The following RUFY4 variants were observed in gnomAD, a reference collection of about 807,000 sequenced individuals.
RUFY4 encodes RUN and FYVE domain containing 4, also known as RUN and FYVE domain-containing protein 4.
In RUFY4, 73 loss-of-function variants were observed where a neutral mutation model predicts 69.0. That is an observed-to-expected ratio of 1.06 (90% CI 0.88 to 1.29). The LOEUF (loss-of-function observed/expected upper bound fraction) is 1.29. Ranked by LOEUF, RUFY4 falls within the 50% of genes most tolerant of loss-of-function variation. The probability of loss-of-function intolerance (pLI) is 0.00; values close to 1 mark genes in which losing one functional copy is unlikely to be tolerated. For missense variants in RUFY4, 770 were observed against 705.6 expected, an observed-to-expected ratio of 1.09 and a Z score of -1.03; for synonymous variants, 287 against 271.8, an observed-to-expected ratio of 1.06 and a Z score of -0.55.
rs757731568 is a variant in RUFY4, at chr2:218,073,286, C to T, written c.430C>T (p.Gln144Ter). 6.4e-7 allele frequency: 1 copy of T among 1,554,850 alleles called. No individual in the cohort carries two copies. ...GAGCCCTCTGCTCTGCCCAGAACGC[C>T]AAGAAGACATCCTGGACTCTCTCTA... The change falls in exon 5 of 11, where the codon CAA (glutamine) becomes TAA (stop). Residue 144 changes from glutamine to a stop codon, truncating the protein, a stop_gained. Coordinates refer to ENST00000344321, the Ensembl canonical transcript of RUFY4. LOFTEE classifies it high-confidence loss of function.
At chr2:218,075,699 A>C in exon 7 of RUFY4, 1 of 1,462,098 alleles carries the variant, frequency 6.8e-7, no homozygotes, top group African/African-American at 1.4e-5. Flanking sequence ...TGTGGCCAGA[A>C]GGGAGGAGCA....
At chr2:218,089,890 G>T in intron 10 of RUFY4, 62 bp from the exon 13 acceptor site, 2 of 1,113,662 alleles carry the variant, frequency 1.8e-6, no homozygotes, top group Non-Finnish European at 2.7e-6. Context: ...TGACCTCAGC[G>T]CCCACTTGGG....
chr2:218,083,023 G>C lies in RUFY4; in HGVS notation c.1356-87G>C. 2.7e-6 allele frequency: 4 copies of C among 1,457,472 alleles called. No individual in the cohort carries two copies. In the South Asian group the frequency reaches 4.9e-5, roughly 18 times the overall value. 90.3% of individuals were successfully genotyped at this position (1,457,472 alleles called of 1,614,324 possible). On this transcript the variant is annotated intron_variant, in intron 8 of 10. Coordinates refer to ENST00000344321, the Ensembl canonical transcript of RUFY4. ...GGGGCATCACCAGCGTCTCCCATGG[G>C]CTCCCTCTCTGGAAGAGGCTCAGCC...
intron 8 of RUFY4, among the ~76,000 whole-genome samples, chr2:218,082,119 T>C (rs1442823293): frequency 6.6e-6 from 1 of 152,148 alleles, no homozygotes; most frequent in African/African-American, 2.4e-5. Context: ...AGTCCAGTGG[T>C]CTTCTTGGAA....
chr2:218,085,313 C>A (rs6738953), intron 9 of RUFY4, among the ~76,000 whole-genome samples: 66,562 of 151,856 alleles, frequency 0.44, 14,926 homozygotes, highest in Middle Eastern at 0.61. Context: ...AATACAATGT[C>A]CCTGGCAGAA....
intron 2 of RUFY4, among the ~76,000 whole-genome samples, chr2:218,047,405 T>C (rs1309759644): frequency 6.6e-6 from 1 of 152,152 alleles, no homozygotes; most frequent in Admixed American, 6.5e-5. Flanking sequence ...TCTATTCATT[T>C]TTTTTTGTCT....
chr2:218,071,807 A>C (rs1689494134), intron 2 of RUFY4, among the ~76,000 whole-genome samples: 1 of 152,112 alleles, frequency 6.6e-6, no homozygotes, highest in Non-Finnish European at 1.5e-5. Flanking sequence ...GGAGAAGAGG[A>C]TGAGATCCCC....
intron 9 of RUFY4, among the ~76,000 whole-genome samples, chr2:218,086,842 G>A (rs1689904993): frequency 6.6e-6 from 1 of 152,156 alleles, no homozygotes; most frequent in Middle Eastern, 3.2e-3. Flanking sequence ...AAGGACCAAG[G>A]ACCCAGGAGG....
chr2:218,090,053 G>T, exon 11 of RUFY4: 1 of 1,525,400 alleles, frequency 6.6e-7, no homozygotes, highest in Non-Finnish European at 8.8e-7. Context: ...CAGGTCACCT[G>T]ACCAAGACCA....
chr2:218,056,418 T>TC (rs1553632146), intron 2 of RUFY4, among the ~76,000 whole-genome samples: 2 of 152,084 alleles, frequency 1.3e-5, no homozygotes, highest in Non-Finnish European at 2.9e-5. Context: ...AGAGCTTTTT[T>TC]CCCCCACTTC....
chr2:218,065,355 G>A (rs575786833), upstream of RUFY4, among the ~76,000 whole-genome samples: 2 of 152,386 alleles, frequency 1.3e-5, no homozygotes, highest in African/African-American at 4.8e-5. Context: ...GGGCGAGGAA[G>A]GAGGAAGGGC....
At chr2:218,075,737 C>A in exon 7 of RUFY4, 1 of 1,437,046 alleles carries the variant, frequency 7.0e-7, no homozygotes. Context: ...AGGACGAGAT[C>A]AAGGTGAGAA....
upstream of RUFY4, among the ~76,000 whole-genome samples, chr2:218,067,811 C>T (rs926248705): frequency 6.6e-6 from 1 of 152,238 alleles, no homozygotes; most frequent in Non-Finnish European, 1.5e-5. Context: ...GCCCCACTGA[C>T]TGTCCCTGCT....
intron 2 of RUFY4, among the ~76,000 whole-genome samples, chr2:218,048,016 C>G (rs931491374): frequency 1.3e-5 from 2 of 152,104 alleles, no homozygotes; most frequent in Non-Finnish European, 2.9e-5. Flanking sequence ...TTTCTGCTTT[C>G]AGGTCTTCAA....
chr2:218,085,690 C>T (rs758988418), intron 9 of RUFY4, among the ~76,000 whole-genome samples: 2 of 152,158 alleles, frequency 1.3e-5, no homozygotes, highest in Non-Finnish European at 2.9e-5. Context: ...TGCCTGCCTC[C>T]CCACATGCAG....
chr2:218,061,125 G>T (rs1420918159), intron 3 of RUFY4: 2 of 507,802 alleles, frequency 3.9e-6, no homozygotes, highest in Non-Finnish European at 7.9e-6. Flanking sequence ...GGCAATGTCA[G>T]GGAAAAGAAC....
intron 3 of RUFY4, among the ~76,000 whole-genome samples, chr2:218,061,731 T>G (rs1689198180): frequency 6.6e-6 from 1 of 152,220 alleles, no homozygotes. Flanking sequence ...CTGTGGATAA[T>G]AACTACAGGA....
chr2:218,079,227 G>A (rs921458388), intron 8 of RUFY4, among the ~76,000 whole-genome samples: 1 of 152,206 alleles, frequency 6.6e-6, no homozygotes, highest in South Asian at 2.1e-4. Context: ...CTGAACACAG[G>A]GAGTCCAGCG....
intron 9 of RUFY4, among the ~76,000 whole-genome samples, chr2:218,088,154 T>G (rs987504626): frequency 1.3e-5 from 2 of 152,158 alleles, no homozygotes; most frequent in Admixed American, 6.5e-5. Context: ...GCATGTATTA[T>G]TTTGATAAAA....
Sources: gnomAD v4.1 joint callset for allele counts (sites outside exome capture counted in the v4.1 genomes callset) on GRCh38, gnomAD v4.1.1 for gene constraint, MANE v1.5 for transcripts, NCBI Gene and HGNC (gene_info 2026-07-23, HGNC 2026-07-21) for gene names.